PHC2: variants seen among roughly 807,000 people sequenced by gnomAD.
PHC2 encodes the protein polyhomeotic-like protein 2.
PHC2 carries 29 observed loss-of-function variants against 87.4 expected under a neutral mutation model. The ratio of observed to expected loss-of-function variants is 0.33; its 90% CI spans 0.25 to 0.45. PHC2 has a LOEUF of 0.45. PHC2 is among the 20% of genes least tolerant of loss of function. The pLI is 1.00. For synonymous variants in PHC2, 438 were observed against 461.7 expected, an observed-to-expected ratio of 0.95 and a Z score of 0.66; for missense variants, 857 against 1,136.7, an observed-to-expected ratio of 0.75 and a Z score of 3.54.
At chr1:33,357,600 T>C (rs1171556198) in intron 7 of PHC2, among the ~76,000 whole-genome samples, 2 of 152,146 alleles carry the variant, frequency 1.3e-5, no homozygotes. Context: ...TGGGTTTGGG[T>C]TGATGGCGGA....
At chr1:33,328,796 C>G in intron 14 of PHC2, 74 bp downstream of exon 14, 2 of 1,437,904 alleles carry the variant, frequency 1.4e-6, no homozygotes, top group South Asian at 2.6e-5. Flanking sequence ...CCTAATCCTC[C>G]TGGTGGTGGG....
chr1:33,329,973 T>C, intron 13 of PHC2, 98 bp downstream of exon 13: 2 of 1,369,324 alleles, frequency 1.5e-6, no homozygotes, highest in African/African-American at 2.8e-5. Flanking sequence ...CAGAGTGCGC[T>C]GAAGTCGGCA....
rs538628266 is a variant in PHC2 at position 33,368,080 on chromosome 1, A to C, written c.663+456T>G. ...GGGTTCCTTCCCCGGCTGCCCACAG[A>C]ATCTTCCCAGCCACGGTAGTATCTG... On this transcript the variant is annotated intron_variant, in intron 6 of 14. Coordinates refer to ENST00000683057, the MANE Select transcript of PHC2 (RefSeq NM_001385109.1). This position sits in a 1 kb window ranked among gnomAD's most constrained non-coding sequence, Gnocchi z 6.6. 3.9e-5 allele frequency among the ~76,000 whole-genome samples: 6 copies of C among 152,230 alleles called. No individual in the cohort carries two copies. In the East Asian group the frequency reaches 1.2e-3, roughly 30 times the overall value.
At chr1:33,345,349 A>C (rs1646826706) in intron 9 of PHC2, 1 of 161,952 alleles carries the variant, frequency 6.2e-6, no homozygotes, top group Non-Finnish European at 1.3e-5. Context: ...TTCATCTCAG[A>C]GCACTGGCAA....
chr1:33,387,650 A>T (rs1648832445), intron 1 of PHC2, among the ~76,000 whole-genome samples: 1 of 152,226 alleles, frequency 6.6e-6, no homozygotes, highest in African/African-American at 2.4e-5. Context: ...ACTGAGATTC[A>T]TAGAGGCCCT....
intron 1 of PHC2, among the ~76,000 whole-genome samples, chr1:33,427,908 G>A (rs774895685): frequency 1.3e-5 from 2 of 152,112 alleles, no homozygotes; most frequent in Non-Finnish European, 2.9e-5. Context: ...CCCTAAATGT[G>A]GGATGTATCT....
At chr1:33,333,414 T>C (rs1205642939) in intron 10 of PHC2, 5 of 152,462 alleles carry the variant, frequency 3.3e-5, no homozygotes, top group African/African-American at 1.2e-4. Context: ...CCGCTGGCTC[T>C]GGGCTCCTCC....
intron 1 of PHC2, among the ~76,000 whole-genome samples, chr1:33,420,221 G>A (rs142417488): frequency 3.9e-5 from 6 of 152,208 alleles, no homozygotes; most frequent in Admixed American, 2.0e-4. Flanking sequence ...TTCGCCTAGA[G>A]ATAGGTCCCC....
At chr1:33,424,854 A>G (rs1282394644) in intron 1 of PHC2, among the ~76,000 whole-genome samples, 3 of 152,238 alleles carry the variant, frequency 2.0e-5, no homozygotes, top group African/African-American at 7.2e-5. Context: ...GATAAAAGTC[A>G]AGGACCAAAA....
At chr1:33,389,232 TC>T (rs1648929090) in intron 1 of PHC2, among the ~76,000 whole-genome samples, 1 of 152,054 alleles carries the variant, frequency 6.6e-6, no homozygotes, top group African/African-American at 2.4e-5. Context: ...ATTACTAGAT[TC>T]AATCCCCCAC....
chr1:33,354,804 T>C (rs1647038592), intron 8 of PHC2, 34 bp downstream of exon 8: 2 of 1,596,114 alleles, frequency 1.3e-6, no homozygotes, highest in African/African-American at 2.7e-5. Context: ...GGCCACCCCG[T>C]GTGCTCCCTG....
At chr1:33,418,049 G>GT (rs1650279708) in intron 1 of PHC2, among the ~76,000 whole-genome samples, 1 of 151,934 alleles carries the variant, frequency 6.6e-6, no homozygotes, top group African/African-American at 2.4e-5. Context: ...AAAACATTAC[G>GT]TATCAAAATC....
At chr1:33,345,809 G>A (rs1174411530) in intron 9 of PHC2, 1 of 985,010 alleles carries the variant, frequency 1.0e-6, no homozygotes, top group East Asian at 1.1e-4. Flanking sequence ...TCATAAAGCA[G>A]AATTAAAGAT....
intron 9 of PHC2, among the ~76,000 whole-genome samples, chr1:33,343,290 G>A (rs376315434): frequency 6.6e-6 from 1 of 150,922 alleles, no homozygotes; most frequent in East Asian, 2.0e-4. Context: ...GTGAAACCCT[G>A]TCTCTAGTAA....
Position 33,329,097 on chromosome 1 carries a change from T to C in PHC2, c.2198A>G (p.His733Arg). Reference protein sequence around the residue: ...LSVTAALQLTHSQEDSSRCSD... With the variant: ...LSVTAALQLTRSQEDSSRCSD... ...GCAACGGCTGGAGTCTTCCTGGCTG[T>C]GTGTTAGCTGCAAAGCAGCAGTAAC... Residue 733 changes from histidine to arginine, a missense_variant, in exon 14 of 15, where the codon CAC becomes CGC. By Grantham distance (29) the His-to-Arg change is conservative. Transcript: ENST00000683057. 1 of 1,614,206 alleles carries C rather than the reference T, an allele frequency of 6.2e-7. No individual in the cohort carries two copies. Among genetic ancestry groups the C allele is most frequent in the Non-Finnish European group, 8.5e-7 (1 of 1,180,038 alleles).
At position 33,368,190 on chromosome 1, in the gene PHC2, C is replaced by T. The variant is rs1647597809; in HGVS notation, c.663+346G>A. ...TCCTAGCAGCACTACCGTGTGTAAC[C>T]GGAGCGGGACTTTCCACTTATGAAG... On this transcript the variant is annotated intron_variant, in intron 6 of 14. Transcript: ENST00000683057. This position sits in a 1 kb window ranked among gnomAD's most constrained non-coding sequence, Gnocchi z 6.6. Among the ~76,000 whole-genome samples, 1 of 152,316 alleles carries T rather than the reference C, an allele frequency of 6.6e-6. No individual in the cohort carries two copies. Among genetic ancestry groups the T allele is most frequent in the East Asian group, 1.9e-4 (1 of 5,178 alleles).
At position 33,364,807 on chromosome 1, in the gene PHC2, C is replaced by G. The variant is rs1303390516; in HGVS notation, c.976+2309G>C. Among the ~76,000 whole-genome samples, 1 of 152,168 alleles carries G rather than the reference C, an allele frequency of 6.6e-6. No individual in the cohort carries two copies. The highest frequency in any genetic ancestry group is 2.4e-5 in the African/African-American group (1 of 41,434). On this transcript the variant is annotated intron_variant, in intron 7 of 14. Coordinates refer to ENST00000683057, the MANE Select transcript of PHC2 (RefSeq NM_001385109.1). The surrounding 1 kb of genome is among the most constrained non-coding windows in gnomAD (Gnocchi z 4.1). ...TTTGTGGAGCTGCAGCTCACAGCTGCTCCATAGAAAGTTCTGTGGAGCCAC... is the reference window on the plus strand; with the variant it reads ...TTTGTGGAGCTGCAGCTCACAGCTGGTCCATAGAAAGTTCTGTGGAGCCAC...
chr1:33,328,378 A>AT (rs10631917), intron 14 of PHC2, among the ~76,000 whole-genome samples: 53,281 of 133,230 alleles, frequency 0.4, 12,356 homozygotes, highest in Admixed American at 0.54. Context: ...TCTTAATTAA[A>AT]TTTTTTTTTT....
chr1:33,389,605 T>C (rs1288041271), intron 1 of PHC2, among the ~76,000 whole-genome samples: 1 of 151,952 alleles, frequency 6.6e-6, no homozygotes, highest in African/African-American at 2.4e-5. Flanking sequence ...AATTCCAGAG[T>C]CCCCTGGGCC....
Sources: gnomAD v4.1 joint callset for allele counts (sites outside exome capture counted in the v4.1 genomes callset) on GRCh38, gnomAD v4.1.1 for gene constraint, Gnocchi (gnomAD v3.1) non-coding constraint, MANE v1.5 for transcripts, NCBI Gene and HGNC (gene_info 2026-07-23, HGNC 2026-07-21) for gene names.